The following RGS7 variants were observed in gnomAD, a reference collection of about 807,000 sequenced individuals.
RGS7 encodes the protein regulator of G protein signaling 7.
In RGS7, 27 loss-of-function variants were observed where a neutral mutation model predicts 81.1. The observed-to-expected ratio is 0.33, with a 90% CI of 0.25 to 0.46. The LOEUF is 0.46. Ranked by LOEUF, RGS7 falls within the 20% of genes least tolerant of loss-of-function variation. The pLI is 1.00. For missense variants in RGS7, 396 were observed against 607.4 expected, an observed-to-expected ratio of 0.65 and a Z score of 3.66; for synonymous variants, 208 against 207.7, an observed-to-expected ratio of 1.00 and a Z score of -0.01.
chr1:240,932,710 G>A lies in RGS7; in HGVS notation c.334-1942C>T, dbSNP rs1270574148. ...TTTTTAGTAGAGACGGGGTTTCACC[G>A]TGTTAGCCAGGATGGTCTCGATCTC... On this transcript the variant is annotated intron_variant, in intron 5 of 18. Transcript: ENST00000440928. 2.0e-5 allele frequency among the ~76,000 whole-genome samples: 3 copies of A among 150,414 alleles called. 1 individual carries two copies. Among genetic ancestry groups the A allele is most frequent in the Middle Eastern group, 6.4e-3 (2 of 314 alleles).
chr1:241,277,995 T>G (rs187640153), intron 2 of RGS7, among the ~76,000 whole-genome samples: 1 of 152,362 alleles, frequency 6.6e-6, no homozygotes, highest in Admixed American at 6.5e-5. Flanking sequence ...GTCTTCCATA[T>G]TTACCATTGA....
intron 2 of RGS7, among the ~76,000 whole-genome samples, chr1:241,165,523 C>T (rs1384691950): frequency 6.6e-6 from 1 of 151,010 alleles, no homozygotes; most frequent in Non-Finnish European, 1.5e-5. Context: ...AGTAAACTAT[C>T]GCAAGAACAA....
chr1:241,336,504 T>C (rs923952182), intron 2 of RGS7, among the ~76,000 whole-genome samples: 19 of 152,148 alleles, frequency 1.2e-4, no homozygotes, highest in African/African-American at 2.9e-4. Context: ...TAGGACAGGA[T>C]TGAATGACTC....
intron 6 of RGS7, among the ~76,000 whole-genome samples, chr1:240,921,289 C>G (rs1673492877): frequency 6.6e-6 from 1 of 151,704 alleles, no homozygotes; most frequent in Admixed American, 6.6e-5. Context: ...TGTGTAACAT[C>G]TATTATCATG....
chr1:241,272,295 A>C (rs2077958377), intron 2 of RGS7, among the ~76,000 whole-genome samples: 1 of 152,006 alleles, frequency 6.6e-6, no homozygotes. Context: ...GCCCGGCCTG[A>C]CTACTAGAAT....
chr1:241,185,854 T>C (rs2072047661), intron 2 of RGS7, among the ~76,000 whole-genome samples: 1 of 152,070 alleles, frequency 6.6e-6, no homozygotes, highest in Non-Finnish European at 1.5e-5. Context: ...AAATGAAAAT[T>C]AATACCACCA....
intron 2 of RGS7, among the ~76,000 whole-genome samples, chr1:241,179,647 T>C (rs986710096): frequency 6.6e-6 from 1 of 152,134 alleles, no homozygotes; most frequent in African/African-American, 2.4e-5. Context: ...GACCTACAGT[T>C]TCCCTCTGCA....
chr1:241,217,696 C>G (rs1006923586), intron 2 of RGS7, among the ~76,000 whole-genome samples: 42 of 152,166 alleles, frequency 2.8e-4, no homozygotes, highest in Non-Finnish European at 4.4e-5. Flanking sequence ...AAGGGCTATC[C>G]AATCACACGG....
chr1:240,917,894 TA>T, intron 6 of RGS7, among the ~76,000 whole-genome samples: 1 of 152,178 alleles, frequency 6.6e-6, no homozygotes, highest in African/African-American at 2.4e-5. Context: ...AGACACAGAT[TA>T]AAAGTTAAAG....
intron 6 of RGS7, chr1:240,920,634 A>G (rs1285335356): frequency 1.3e-5 from 15 of 1,117,344 alleles, no homozygotes; most frequent in Non-Finnish European, 2.0e-5. Context: ...AGCTTAGCGG[A>G]AGAGGAGAGC....
chr1:240,838,109 A>C (rs1329040264), intron 9 of RGS7, among the ~76,000 whole-genome samples: 1 of 152,210 alleles, frequency 6.6e-6, no homozygotes, highest in Non-Finnish European at 1.5e-5. Context: ...GGTGGCTTAT[A>C]AACAATAGAC....
At chr1:241,186,954 A>G (rs2072178162) in intron 2 of RGS7, among the ~76,000 whole-genome samples, 1 of 152,170 alleles carries the variant, frequency 6.6e-6, no homozygotes, top group Non-Finnish European at 1.5e-5. Context: ...TTGCCAAGTA[A>G]CATGATTCAC....
intron 3 of RGS7, among the ~76,000 whole-genome samples, chr1:241,095,219 T>C (rs1002730735): frequency 2.0e-5 from 3 of 152,182 alleles, no homozygotes; most frequent in African/African-American, 4.8e-5. Flanking sequence ...TAAGGCAATA[T>C]GTCTTAAACT....
intron 9 of RGS7, among the ~76,000 whole-genome samples, chr1:240,833,005 A>G (rs1208966433): frequency 6.6e-6 from 1 of 152,218 alleles, no homozygotes; most frequent in African/African-American, 2.4e-5. Context: ...CATGCTTATC[A>G]TAAAGTTTAA....
At chr1:240,992,780 T>C (rs370943734) in intron 3 of RGS7, among the ~76,000 whole-genome samples, 69 of 149,970 alleles carry the variant, frequency 4.6e-4, no homozygotes, top group Non-Finnish European at 9.5e-4. Context: ...AGGTATTGAA[T>C]GATCACGAGG....
chr1:240,802,885 A>G lies in RGS7; in HGVS notation c.1359+19T>C, dbSNP rs761338041. On this transcript the variant is annotated intron_variant, in intron 16 of 18. Coordinates refer to ENST00000440928, the MANE Select transcript of RGS7 (RefSeq NM_001364886.1). Reference sequence around the variant, plus strand: ...CTGAGAACTAGGCCAAGAAAAAACAACTCACAAAAAACCAGTACCTTTTTC... The same window carrying G: ...CTGAGAACTAGGCCAAGAAAAAACAGCTCACAAAAAACCAGTACCTTTTTC... 3.3e-6 allele frequency: 5 copies of G among 1,526,548 alleles called. No individual in the cohort carries two copies. The Admixed American group carries it at 6.7e-5, about 20-fold the overall frequency. 94.6% of individuals were successfully genotyped at this position (1,526,548 alleles called of 1,614,324 possible). A position where few individuals can be genotyped will look rare whatever the true frequency, so the allele number is the denominator to read the frequency against.
At chr1:241,008,660 C>G (rs2058797941) in intron 3 of RGS7, among the ~76,000 whole-genome samples, 1 of 152,086 alleles carries the variant, frequency 6.6e-6, no homozygotes, top group African/African-American at 2.4e-5. Context: ...CATCTGTAAA[C>G]CCAGCACTTT....
At chr1:241,043,996 A>G (rs1477675517) in intron 3 of RGS7, among the ~76,000 whole-genome samples, 1 of 152,184 alleles carries the variant, frequency 6.6e-6, no homozygotes, top group Non-Finnish European at 1.5e-5. Context: ...TTGCATTTCA[A>G]CAACCTACTA....
rs1553376429 is a variant in RGS7 at position 240,986,586 on chromosome 1, T to TTA, written c.176-3458_176-3457insTA. ...CACCACTATTATTTTTTTTTTTTTTTTTTTTTTTTTTTTTTGAGACGGAGT... is the reference window on the plus strand; with the variant it reads ...CACCACTATTATTTTTTTTTTTTTTTTATTTTTTTTTTTTTTTGAGACGGAGT... On this transcript the variant is annotated intron_variant, in intron 3 of 18. Transcript: ENST00000440928. Among the ~76,000 whole-genome samples the TTA allele has an allele frequency of 1.8e-3, 2 of 1,118 alleles. 1 individual carries two copies. The highest frequency in any genetic ancestry group is 8.6e-3 in the African/African-American group (2 of 232). The allele number at this position is 1,118 out of a possible 152,430, so 0.7% of individuals were successfully genotyped here.
Sources: gnomAD v4.1 joint callset for allele counts (sites outside exome capture counted in the v4.1 genomes callset) on GRCh38, gnomAD v4.1.1 for gene constraint, MANE v1.5 for transcripts, NCBI Gene and HGNC (gene_info 2026-07-23, HGNC 2026-07-21) for gene names.